The following CCDC7 variants were observed in gnomAD, a reference collection of about 807,000 sequenced individuals.
CCDC7 encodes the protein coiled-coil domain containing 7.
Under a neutral mutation model 196.9 loss-of-function variants are expected in CCDC7, and 183 were observed. The ratio of observed to expected loss-of-function variants is 0.93; its 90% CI spans 0.82 to 1.05. The LOEUF (loss-of-function observed/expected upper bound fraction) is 1.05, where lower values mean the gene tolerates loss of function less well. Among genes scored for constraint, CCDC7 ranks in the 50% least tolerant of loss-of-function variants. The pLI, the probability that CCDC7 is intolerant of heterozygous loss-of-function variation, is 0.00. For synonymous variants in CCDC7, 525 were observed against 484.6 expected (o/e 1.08, Z -1.10); for missense variants, 1,540 against 1,482.2 (o/e 1.04, Z -0.64).
chr10:32,780,896 T>A (rs1463494495), intron 29 of CCDC7, among the ~76,000 whole-genome samples: 1 of 152,170 alleles, frequency 6.6e-6, no homozygotes, highest in Non-Finnish European at 1.5e-5. Flanking sequence ...AGATGCACTT[T>A]AGATGAACAA....
intron 17 of CCDC7, 79 bp downstream of exon 18, chr10:32,583,386 G>A (rs1380416293): frequency 3.1e-6 from 3 of 953,894 alleles, no homozygotes; most frequent in African/African-American, 3.4e-5. Context: ...CATTTAAATG[G>A]GTTAAAAATT....
chr10:32,480,378 A>G (rs2039747693), intron 8 of CCDC7, among the ~76,000 whole-genome samples: 1 of 151,934 alleles, frequency 6.6e-6, no homozygotes, highest in Admixed American at 6.6e-5. Flanking sequence ...GCTGGAGTAG[A>G]GTGATGTGAT....
intron 41 of CCDC7, among the ~76,000 whole-genome samples, chr10:32,862,689 C>A (rs10827145): frequency 0.14 from 20,923 of 152,004 alleles, 1,745 homozygotes; most frequent in East Asian, 0.25. Flanking sequence ...ACTAGAAGTA[C>A]TATCAAGGAC....
upstream of CCDC7, among the ~76,000 whole-genome samples, chr10:32,444,922 C>T (rs1564586585): frequency 1.3e-5 from 2 of 151,052 alleles, no homozygotes; most frequent in Admixed American, 6.6e-5. Context: ...GGCACAATCT[C>T]GGCTCACTGC....
At chr10:32,501,260 A>T (rs1185076430) in intron 9 of CCDC7, among the ~76,000 whole-genome samples, 1 of 151,914 alleles carries the variant, frequency 6.6e-6, no homozygotes, top group African/African-American at 2.4e-5. Flanking sequence ...TAAACTGGGT[A>T]TTCTAGTTAG....
intron 18 of CCDC7, among the ~76,000 whole-genome samples, chr10:32,592,100 T>G (rs2059835079): frequency 6.6e-6 from 1 of 152,244 alleles, no homozygotes; most frequent in Non-Finnish European, 1.5e-5. Flanking sequence ...TTGGTGTTTC[T>G]ATGAATTTAT....
chr10:32,589,228 A>C (rs1002045138), intron 18 of CCDC7, among the ~76,000 whole-genome samples: 1 of 152,118 alleles, frequency 6.6e-6, no homozygotes, highest in Admixed American at 6.5e-5. Flanking sequence ...TTTAGCTCCC[A>C]CAAATAAGTG....
intron 24 of CCDC7, among the ~76,000 whole-genome samples, chr10:32,702,197 C>A (rs976637690): frequency 6.6e-6 from 1 of 152,086 alleles, no homozygotes; most frequent in Non-Finnish European, 1.5e-5. Flanking sequence ...TTGAATGTGT[C>A]CCAGAGATTC....
intron 16 of CCDC7, 117 bp from the exon 18 acceptor site, chr10:32,582,917 C>A: frequency 1.7e-6 from 1 of 576,108 alleles, no homozygotes; most frequent in Non-Finnish European, 2.6e-6. Context: ...TAACCATAAA[C>A]TAATGAGTAA....
chr10:32,577,885 G>T lies in CCDC7; in HGVS notation c.1455-5149G>T, dbSNP rs540301875. 2.6e-5 allele frequency among the ~76,000 whole-genome samples: 4 copies of T among 152,298 alleles called. No individual in the cohort carries two copies. The South Asian group carries it at 8.3e-4, about 32-fold the overall frequency. Reference sequence around the variant, plus strand: ...AATGTCGGGTTGAAGAGTGAGAAAAGTCTGCCCCATTAGGGCTCAGTAATA... The same window carrying T: ...AATGTCGGGTTGAAGAGTGAGAAAATTCTGCCCCATTAGGGCTCAGTAATA... On this transcript the variant is annotated intron_variant, in intron 16 of 41. Coordinates refer to ENST00000639629, the Ensembl canonical transcript of CCDC7.
At chr10:32,737,968 C>T (rs2085152309) in intron 28 of CCDC7, among the ~76,000 whole-genome samples, 1 of 152,136 alleles carries the variant, frequency 6.6e-6, no homozygotes, top group Non-Finnish European at 1.5e-5. Flanking sequence ...TATTCACCTA[C>T]TCTGACAGCC....
At chr10:32,564,209 T>C (rs1338930150) in intron 13 of CCDC7, among the ~76,000 whole-genome samples, 1 of 152,176 alleles carries the variant, frequency 6.6e-6, no homozygotes, top group Admixed American at 6.5e-5. Flanking sequence ...GGTGGGACTG[T>C]AAACTAGTTC....
At chr10:32,646,102 G>T (rs1290296565) in intron 20 of CCDC7, among the ~76,000 whole-genome samples, 1 of 144,868 alleles carries the variant, frequency 6.9e-6, no homozygotes, top group Non-Finnish European at 1.5e-5. Flanking sequence ...TTAGTTCTTT[G>T]AGGAGTAATG....
chr10:32,738,557 C>A (rs570613742), intron 28 of CCDC7, among the ~76,000 whole-genome samples: 2 of 146,386 alleles, frequency 1.4e-5, no homozygotes, highest in Admixed American at 1.5e-4. Flanking sequence ...TCACTACAGC[C>A]TCGACCTCCT....
intron 18 of CCDC7, among the ~76,000 whole-genome samples, chr10:32,632,821 A>G (rs1450539270): frequency 6.6e-6 from 1 of 152,106 alleles, no homozygotes; most frequent in African/African-American, 2.4e-5. Flanking sequence ...TGAGTTTAAT[A>G]CTATTAAATT....
chr10:32,578,543 G>A (rs192779227), intron 16 of CCDC7, among the ~76,000 whole-genome samples: 10 of 151,526 alleles, frequency 6.6e-5, no homozygotes, highest in Admixed American at 4.0e-4. Context: ...TTAGGTTCTC[G>A]TAAGGAGCAC....
At chr10:32,703,576 G>C (rs1350019293) in intron 24 of CCDC7, among the ~76,000 whole-genome samples, 1 of 151,936 alleles carries the variant, frequency 6.6e-6, no homozygotes, top group Non-Finnish European at 1.5e-5. Flanking sequence ...TGCTAGATTG[G>C]GGAAGTTCTC....
intron 41 of CCDC7, among the ~76,000 whole-genome samples, chr10:32,874,695 A>G (rs187339991): frequency 1.3e-4 from 19 of 151,396 alleles, no homozygotes; most frequent in Admixed American, 9.3e-4. Flanking sequence ...ACATACACAC[A>G]TATGTATGTG....
chr10:32,696,292 A>G (rs1395814777), intron 24 of CCDC7, among the ~76,000 whole-genome samples: 1 of 152,090 alleles, frequency 6.6e-6, no homozygotes, highest in Non-Finnish European at 1.5e-5. Flanking sequence ...TGAAAACCAG[A>G]GAACCTTATC....
Sources: gnomAD v4.1 joint callset for allele counts (sites outside exome capture counted in the v4.1 genomes callset) on GRCh38, gnomAD v4.1.1 for gene constraint, MANE v1.5 for transcripts, NCBI Gene and HGNC (gene_info 2026-07-23, HGNC 2026-07-21) for gene names.